RABGAP1L: variants seen among roughly 807,000 people sequenced by gnomAD.
The protein encoded by RABGAP1L is RAB GTPase activating protein 1 like.
Under a neutral mutation model 137.7 loss-of-function variants are expected in RABGAP1L, and 63 were observed. That is an observed-to-expected ratio of 0.46 (90% CI 0.37 to 0.56). RABGAP1L has a LOEUF of 0.56. Ranked by LOEUF, RABGAP1L falls within the 20% of genes least tolerant of loss-of-function variation. The pLI, the probability that RABGAP1L is intolerant of heterozygous loss-of-function variation, is 0.00. For synonymous variants in RABGAP1L, 431 were observed against 433.7 expected, an observed-to-expected ratio of 0.99 and a Z score of 0.08; for missense variants, 1,095 against 1,244.0, an observed-to-expected ratio of 0.88 and a Z score of 1.80.
chr1:174,708,540 G>A (rs1680226997), intron 17 of RABGAP1L, among the ~76,000 whole-genome samples: 1 of 152,110 alleles, frequency 6.6e-6, no homozygotes, highest in Non-Finnish European at 1.5e-5. Flanking sequence ...AAGCACAAGG[G>A]GTCAAGGAAC....
intron 5 of RABGAP1L, among the ~76,000 whole-genome samples, chr1:174,249,852 C>T (rs1376825136): frequency 6.6e-6 from 1 of 152,066 alleles, no homozygotes; most frequent in Non-Finnish European, 1.5e-5. Context: ...CCATGCTGGC[C>T]AGTCTGGTCT....
In RABGAP1L at chr1:174,671,652, A is replaced by T. The variant is rs566788579; in HGVS notation, c.1825-11870A>T. ...GAATCATCCTTGCATCCCTGGGATT[A>T]ATTACTTGATTGTGGTTGATGATCT... is the stretch of plus-strand genomic sequence containing the variant. On this transcript the variant is annotated intron_variant, in intron 14 of 25. Coordinates refer to ENST00000681986, the MANE Select transcript of RABGAP1L (RefSeq NM_001366446.1). Among the ~76,000 whole-genome samples the T allele has an allele frequency of 3.3e-5, 5 of 152,270 alleles. No individual in the cohort carries two copies. In the South Asian group the frequency reaches 1.0e-3, roughly 32 times the overall value.
At chr1:174,811,725 A>C (rs1010588105) in intron 18 of RABGAP1L, 107 bp from the exon 19 acceptor site, 1 of 1,152,354 alleles carries the variant, frequency 8.7e-7, no homozygotes, top group Non-Finnish European at 1.2e-6. Context: ...ACTAACTTAG[A>C]TCTTAGCTAT....
chr1:174,786,051 C>G (rs1687424797), intron 18 of RABGAP1L, among the ~76,000 whole-genome samples: 1 of 152,162 alleles, frequency 6.6e-6, no homozygotes, highest in Non-Finnish European at 1.5e-5. Context: ...ATTTCAAACA[C>G]CTTATGCATT....
intron 13 of RABGAP1L, among the ~76,000 whole-genome samples, chr1:174,514,211 AT>A (rs1365660424): frequency 7.4e-6 from 1 of 134,668 alleles, no homozygotes; most frequent in Non-Finnish European, 1.5e-5. Context: ...GTGATACTGG[AT>A]TTTTAAATCA....
At chr1:174,414,409 T>C (rs1650305219) in intron 13 of RABGAP1L, among the ~76,000 whole-genome samples, 1 of 152,166 alleles carries the variant, frequency 6.6e-6, no homozygotes. Context: ...TTTTCGGTTG[T>C]ATGACTTTTA....
At chr1:174,349,221 C>CG (rs1264658963) in intron 11 of RABGAP1L, among the ~76,000 whole-genome samples, 1 of 114,966 alleles carries the variant, frequency 8.7e-6, no homozygotes, top group African/African-American at 3.7e-5. Flanking sequence ...GCTGGCCGGG[C>CG]GGGGGGGCTG....
At chr1:174,187,376 T>C (rs886821120) in intron 1 of RABGAP1L, among the ~76,000 whole-genome samples, 1 of 152,134 alleles carries the variant, frequency 6.6e-6, no homozygotes, top group Non-Finnish European at 1.5e-5. Context: ...TTTACCATAG[T>C]GTAATAGCCT....
At chr1:174,565,331 A>G (rs1667501329) in intron 13 of RABGAP1L, among the ~76,000 whole-genome samples, 1 of 152,172 alleles carries the variant, frequency 6.6e-6, no homozygotes, top group Admixed American at 6.5e-5. Flanking sequence ...CACTTAATTA[A>G]TATACGTGGC....
intron 13 of RABGAP1L, among the ~76,000 whole-genome samples, chr1:174,604,321 A>T (rs1010565277): frequency 2.0e-5 from 3 of 152,164 alleles, no homozygotes; most frequent in African/African-American, 4.8e-5. Context: ...GCTGTGACAG[A>T]TAGCACTGAG....
At chr1:174,380,141 C>G (rs954086058) in intron 12 of RABGAP1L, among the ~76,000 whole-genome samples, 18 of 151,636 alleles carry the variant, frequency 1.2e-4, no homozygotes, top group Non-Finnish European at 2.1e-4. Context: ...TTGAAGCCCA[C>G]TTGATCATGG....
chr1:174,343,275 A>G (rs1682143173), intron 11 of RABGAP1L, among the ~76,000 whole-genome samples: 1 of 152,158 alleles, frequency 6.6e-6, no homozygotes, highest in Non-Finnish European at 1.5e-5. Flanking sequence ...CAAATATACA[A>G]ATAGTATGTA....
chr1:174,272,531 T>C, intron 8 of RABGAP1L, 51 bp downstream of exon 8: 1 of 1,420,388 alleles, frequency 7.0e-7, no homozygotes, highest in South Asian at 1.9e-5. Flanking sequence ...AGTTATTTTA[T>C]ATTTGACAAG....
chr1:174,952,226 G>T lies in RABGAP1L; in HGVS notation c.2341-5231G>T, dbSNP rs191289789. Among the ~76,000 whole-genome samples the T allele has an allele frequency of 3.9e-3, 584 of 151,444 alleles. 5 individuals carry two copies. The highest frequency in any genetic ancestry group is 0.014 in the African/African-American group (564 of 41,190). ...TGTACAAAGATCTTGTTTGGGCCAG[G>T]CCTGGTGGCTCACACCTGTAATCCC... On this transcript the variant is annotated intron_variant, in intron 19 of 25. Coordinates refer to ENST00000681986, the MANE Select transcript of RABGAP1L (RefSeq NM_001366446.1).
At chr1:174,865,289 C>T (rs149175712) in intron 19 of RABGAP1L, among the ~76,000 whole-genome samples, 3,290 of 152,104 alleles carry the variant, frequency 0.022, 52 homozygotes, top group Middle Eastern at 0.082. Flanking sequence ...TGCAGTGAGC[C>T]GAGATGGTGC....
chr1:174,517,094 C>A (rs1469274098), intron 13 of RABGAP1L, among the ~76,000 whole-genome samples: 1 of 151,618 alleles, frequency 6.6e-6, no homozygotes, highest in African/African-American at 2.4e-5. Context: ...TTATAAAGTC[C>A]CTAAAATTTC....
At chr1:174,362,624 G>A (rs756215685) in intron 11 of RABGAP1L, among the ~76,000 whole-genome samples, 4 of 152,026 alleles carry the variant, frequency 2.6e-5, no homozygotes, top group Non-Finnish European at 5.9e-5. Context: ...TTTTAATGGG[G>A]TTGTTTTTCT....
intron 7 of RABGAP1L, among the ~76,000 whole-genome samples, chr1:174,256,177 C>T (rs1168564495): frequency 6.6e-6 from 1 of 152,210 alleles, no homozygotes; most frequent in Non-Finnish European, 1.5e-5. Flanking sequence ...CCACAGCCTT[C>T]CTCTGTCTCT....
chr1:174,277,222 A>G (rs1408595139), intron 9 of RABGAP1L, among the ~76,000 whole-genome samples: 1 of 152,074 alleles, frequency 6.6e-6, no homozygotes, highest in Non-Finnish European at 1.5e-5. Flanking sequence ...AAGATTATAT[A>G]AAATTTAACT....
Sources: allele counts gnomAD v4.1 joint callset (sites outside exome capture counted in the v4.1 genomes callset), GRCh38; gene constraint gnomAD v4.1.1; transcripts MANE v1.5; gene names NCBI Gene and HGNC (gene_info 2026-07-23, HGNC 2026-07-21).